The following IL1RAPL1 variants were observed in gnomAD, a reference collection of about 807,000 sequenced individuals.
IL1RAPL1 encodes interleukin 1 receptor accessory protein like 1.
IL1RAPL1 carries 3 observed loss-of-function variants against 48.4 expected under a neutral mutation model. That is an observed-to-expected ratio of 0.06 (90% CI 0.03 to 0.16). The LOEUF (loss-of-function observed/expected upper bound fraction) is 0.16. Ranked by LOEUF, IL1RAPL1 falls within the 10% of genes least tolerant of loss-of-function variation. The pLI, the probability that IL1RAPL1 is intolerant of heterozygous loss-of-function variation, is 1.00. For synonymous variants in IL1RAPL1, 185 were observed against 187.7 expected (o/e 0.99, Z 0.12); for missense variants, 349 against 530.6 (o/e 0.66, Z 3.36).
At chrX:28,833,950 A>G (rs1921138065) in intron 2 of IL1RAPL1, among the ~76,000 whole-genome samples, 1 of 112,353 alleles carries the variant, frequency 8.9e-6, no homozygotes, top group South Asian at 3.6e-4. Flanking sequence ...CATTAAGTTA[A>G]TGTTTTCTGA....
chrX:28,689,840 A>G (rs1935156046), intron 1 of IL1RAPL1, among the ~76,000 whole-genome samples: 1 of 111,442 alleles, frequency 9.0e-6, no homozygotes, highest in Admixed American at 9.6e-5. Context: ...GTTACCGGTT[A>G]CTATGGCAGA....
intron 5 of IL1RAPL1, among the ~76,000 whole-genome samples, chrX:29,475,839 T>C (rs1051210989): frequency 2.7e-5 from 3 of 111,226 alleles, no homozygotes; most frequent in African/African-American, 9.8e-5. Flanking sequence ...ATGAAGTTTT[T>C]TTTTTTTATG....
In IL1RAPL1 at chrX:29,845,554, A is replaced by G. The variant is rs143810937; in HGVS notation, c.779-71910A>G. Among the ~76,000 whole-genome samples, 249 of 112,155 alleles carry G rather than the reference A, an allele frequency of 2.2e-3. 1 individual carries two copies. Among genetic ancestry groups the G allele is most frequent in the African/African-American group, 7.6e-3 (235 of 30,870 alleles). On this transcript the variant is annotated intron_variant, in intron 6 of 10. Transcript: ENST00000378993. ...ACACAACTGAATATTAACACAAAAC[A>G]TGAAGGTTGAATTCTGGTGAGCTCC...
In IL1RAPL1 at chrX:29,897,928, G is replaced by A. The variant is rs553617282; in HGVS notation, c.779-19536G>A. ...TGATCTGCTGCGCTACCATGAAGTA[G>A]AATATATGGTGATATTTTAAGGCTA... On this transcript the variant is annotated intron_variant, in intron 6 of 10. Transcript: ENST00000378993. Among the ~76,000 whole-genome samples the A allele has an allele frequency of 2.7e-5, 3 of 111,630 alleles. No homozygotes were observed. The South Asian group carries it at 1.1e-3, about 42-fold the overall frequency.
At chrX:29,742,072 C>A (rs748611585) in intron 6 of IL1RAPL1, among the ~76,000 whole-genome samples, 1 of 110,212 alleles carries the variant, frequency 9.1e-6, no homozygotes, top group African/African-American at 3.3e-5. Flanking sequence ...TTTTATCTTT[C>A]CCAAGAGACT....
intron 1 of IL1RAPL1, among the ~76,000 whole-genome samples, chrX:28,722,534 C>T (rs1448408636): frequency 1.8e-5 from 2 of 111,329 alleles, no homozygotes; most frequent in Non-Finnish European, 3.8e-5. Flanking sequence ...ATGTCATCTG[C>T]AAACAGGGAC....
At chrX:28,716,632 G>A (rs1468123105) in intron 1 of IL1RAPL1, among the ~76,000 whole-genome samples, 1 of 111,585 alleles carries the variant, frequency 9.0e-6, no homozygotes, top group Non-Finnish European at 1.9e-5. Context: ...ATTTCATGAT[G>A]ACGACACCAA....
intron 5 of IL1RAPL1, among the ~76,000 whole-genome samples, chrX:29,608,623 G>C (rs73452590): frequency 9.3e-6 from 1 of 107,076 alleles, no homozygotes; most frequent in Non-Finnish European, 1.9e-5. Flanking sequence ...TCAGGAGATC[G>C]AGACCATCCT....
chrX:29,419,989 G>A (rs1044935829), intron 5 of IL1RAPL1, among the ~76,000 whole-genome samples: 10 of 111,592 alleles, frequency 9.0e-5, no homozygotes, highest in African/African-American at 3.3e-4. Context: ...TATAAGGGAA[G>A]GAATGTCATT....
chrX:29,150,463 T>C (rs1929440014), intron 2 of IL1RAPL1, among the ~76,000 whole-genome samples: 1 of 111,192 alleles, frequency 9.0e-6, no homozygotes, highest in Non-Finnish European at 1.9e-5. Flanking sequence ...AGAAATGTGG[T>C]GGAGTAGAAA....
intron 5 of IL1RAPL1, among the ~76,000 whole-genome samples, chrX:29,405,613 G>A (rs1352178932): frequency 1.9e-5 from 2 of 104,735 alleles, no homozygotes; most frequent in African/African-American, 3.8e-5. Flanking sequence ...TGATCCACCC[G>A]CCTCGGCCTC....
intron 5 of IL1RAPL1, among the ~76,000 whole-genome samples, chrX:29,600,410 T>C (rs1408257523): frequency 8.9e-6 from 1 of 112,007 alleles, no homozygotes; most frequent in Non-Finnish European, 1.9e-5. Flanking sequence ...TACCAGCCCT[T>C]CTCTGGTGGA....
chrX:28,605,398 C>G lies in IL1RAPL1; in HGVS notation c.-25+17351C>G, dbSNP rs776130431. On this transcript the variant is annotated intron_variant, in intron 1 of 10. Coordinates refer to ENST00000378993, the MANE Select transcript of IL1RAPL1 (RefSeq NM_014271.4). ...CCTTGTATTTGTTCAGACCCAAAAC[C>G]TTGAAATCACTCATCATTTCTCTCC... Among the ~76,000 whole-genome samples, 13 of 111,778 alleles carry G rather than the reference C, an allele frequency of 1.2e-4. No homozygotes were observed. In the South Asian group the frequency reaches 3.4e-3, roughly 29 times the overall value.
At chrX:28,831,026 C>CTCTCTCTCTCTCTCTCTCTGTG (rs1438889606) in intron 2 of IL1RAPL1, among the ~76,000 whole-genome samples, 5 of 33,644 alleles carry the variant, frequency 1.5e-4, no homozygotes, top group Admixed American at 4.7e-4. Flanking sequence ...CTCTCTCTCT[C>CTCTCTCTCTCTCTCTCTCTGTG]TGTGTGTGTG....
rs764229683 is a variant in IL1RAPL1 at position 29,643,148 on chromosome X, CTTG to C, written c.704-25277_704-25275del. Reference sequence around the variant, plus strand: ...GATGCTAGCTATGTACGCTTTTTCTCTTGTTGTCTTCTTTTTGTTTGACGATGT... The same window carrying C: ...GATGCTAGCTATGTACGCTTTTTCTCTTGTCTTCTTTTTGTTTGACGATGT... On this transcript the variant is annotated intron_variant, in intron 5 of 10. Transcript: ENST00000378993. Among the ~76,000 whole-genome samples, 6 of 112,134 alleles carry C rather than the reference CTTG, an allele frequency of 5.4e-5. No individual in the cohort carries two copies. The East Asian group carries it at 8.4e-4, about 16-fold the overall frequency.
At chrX:28,677,496 C>T (rs1430952223) in intron 1 of IL1RAPL1, among the ~76,000 whole-genome samples, 1 of 112,029 alleles carries the variant, frequency 8.9e-6, no homozygotes, top group Non-Finnish European at 1.9e-5. Flanking sequence ...ACTTGGTTTT[C>T]ACATTTTCTC....
chrX:29,551,385 A>T (rs1179281694), intron 5 of IL1RAPL1, among the ~76,000 whole-genome samples: 3 of 111,925 alleles, frequency 2.7e-5, no homozygotes, highest in South Asian at 3.7e-4. Flanking sequence ...ATGATTTAAA[A>T]TTTTTTTCTT....
At chrX:29,797,229 C>A (rs191101815) in intron 6 of IL1RAPL1, among the ~76,000 whole-genome samples, 1 of 112,492 alleles carries the variant, frequency 8.9e-6, no homozygotes, top group African/African-American at 3.2e-5. Context: ...CTTGCCTTGG[C>A]ACATGGCAGG....
At chrX:29,017,793 A>T (rs1190406338) in intron 2 of IL1RAPL1, among the ~76,000 whole-genome samples, 1 of 111,901 alleles carries the variant, frequency 8.9e-6, no homozygotes, top group Non-Finnish European at 1.9e-5. Flanking sequence ...TATTTGTAAG[A>T]TCTGTACCTA....
Sources: gnomAD v4.1 joint callset for allele counts (sites outside exome capture counted in the v4.1 genomes callset) on GRCh38, gnomAD v4.1.1 for gene constraint, MANE v1.5 for transcripts, NCBI Gene and HGNC (gene_info 2026-07-23, HGNC 2026-07-21) for gene names.